Variants in PVT1 observed in about 807,000 individuals in gnomAD.
PVT1 encodes the protein Pvt1 oncogene.
intron 3 of PVT1, among the ~76,000 whole-genome samples, chr8:127,984,629 C>T (rs1280940535): frequency 6.6e-6 from 1 of 152,146 alleles, no homozygotes; most frequent in African/African-American, 2.4e-5. Context: ...TGTTTTGAGA[C>T]AGAGTTTTGC....
chr8:127,849,301 C>CTAAGACACTAAGACACTA (rs1815076415), intron 2 of PVT1, among the ~76,000 whole-genome samples: 2 of 152,082 alleles, frequency 1.3e-5, no homozygotes, highest in African/African-American at 2.4e-5. Flanking sequence ...AAGACAGGGT[C>CTAAGACACTAAGACACTA]AGAGCAGTTT....
chr8:127,984,827 CTTTCT>C (rs879548318), intron 3 of PVT1, among the ~76,000 whole-genome samples: 1 of 126,372 alleles, frequency 7.9e-6, no homozygotes, highest in African/African-American at 2.6e-5. Context: ...AGGCTGGTTT[CTTTCT>C]TTTCTTTTCT....
chr8:127,927,702 T>C (rs10956395), intron 3 of PVT1, among the ~76,000 whole-genome samples: 41,705 of 152,042 alleles, frequency 0.27, 6,470 homozygotes, highest in East Asian at 0.46. Flanking sequence ...TGGGTGACTT[T>C]AGGCAACTGA....
chr8:128,084,915 C>A (rs1814237885), intron 5 of PVT1, among the ~76,000 whole-genome samples: 1 of 152,182 alleles, frequency 6.6e-6, no homozygotes, highest in African/African-American at 2.4e-5. Context: ...CTTTTTCTTG[C>A]TTTGCTCCCA....
Position 128,059,021 on chromosome 8 carries a change from G to T in PVT1, n.913-11139G>T, listed in dbSNP as rs192853688. Among the ~76,000 whole-genome samples the T allele has an allele frequency of 1.8e-3, 275 of 152,126 alleles. 2 individuals carry two copies. Among genetic ancestry groups the T allele is most frequent in the Middle Eastern group, 0.014 (4 of 292 alleles). On this transcript the variant is annotated intron_variant and non_coding_transcript_variant, in intron 4 of 10. Coordinates refer to ENST00000651587, the Ensembl canonical transcript of PVT1. Reference sequence around the variant, plus strand: ...CTTGCTTTGTGCAACACACATCTCAGATGAATTAAATCATGATTTGTCTTG... The same window carrying T: ...CTTGCTTTGTGCAACACACATCTCATATGAATTAAATCATGATTTGTCTTG...
chr8:127,947,465 G>T, intron 3 of PVT1: 1 of 317,206 alleles, frequency 3.2e-6, no homozygotes, highest in Non-Finnish European at 6.3e-6. Flanking sequence ...CTCTTTTTTT[G>T]GCATTCCCTC....
At chr8:128,058,466 A>T (rs989315581) in intron 4 of PVT1, among the ~76,000 whole-genome samples, 2 of 152,090 alleles carry the variant, frequency 1.3e-5, no homozygotes, top group Non-Finnish European at 2.9e-5. Context: ...TACTAAATAC[A>T]TGATAAATAT....
At chr8:127,946,487 T>C (rs574861160) in intron 3 of PVT1, 7 of 152,294 alleles carry the variant, frequency 4.6e-5, no homozygotes, top group Admixed American at 1.3e-4. Context: ...AGTTTGTGTC[T>C]GAGAAAGTGC....
intron 2 of PVT1, among the ~76,000 whole-genome samples, chr8:127,839,740 G>C (rs1814952070): frequency 6.6e-6 from 1 of 152,136 alleles, no homozygotes; most frequent in Admixed American, 6.6e-5. Flanking sequence ...TTAAGGAAGA[G>C]ACTGTGGACA....
intron 4 of PVT1, among the ~76,000 whole-genome samples, chr8:128,061,703 G>A (rs1813832417): frequency 6.6e-6 from 1 of 152,198 alleles, no homozygotes; most frequent in African/African-American, 2.4e-5. Context: ...GGTGCTAGAA[G>A]TCAGTACAGT....
chr8:127,939,764 A>G (rs1053130926), intron 3 of PVT1: 2 of 152,240 alleles, frequency 1.3e-5, no homozygotes, highest in Admixed American at 6.5e-5. Flanking sequence ...GGGTCTGTAC[A>G]TTTTCCACAT....
intron 4 of PVT1, among the ~76,000 whole-genome samples, chr8:128,062,293 T>C (rs1369266974): frequency 6.6e-6 from 1 of 152,216 alleles, no homozygotes; most frequent in African/African-American, 2.4e-5. Flanking sequence ...TTTTCATCTA[T>C]GAGGAGGAAG....
chr8:127,864,138 GC>G (rs1815258894), intron 2 of PVT1, among the ~76,000 whole-genome samples: 1 of 152,192 alleles, frequency 6.6e-6, no homozygotes, highest in Non-Finnish European at 1.5e-5. Context: ...CAGAGAAGCT[GC>G]AGGTGGGGTG....
intron 4 of PVT1, among the ~76,000 whole-genome samples, chr8:128,001,982 G>A (rs1190283004): frequency 6.6e-6 from 1 of 152,066 alleles, no homozygotes; most frequent in Non-Finnish European, 1.5e-5. Context: ...ATGAACTTTG[G>A]GGAGACACCG....
chr8:127,849,158 G>C (rs1303586023), intron 2 of PVT1, among the ~76,000 whole-genome samples: 1 of 150,854 alleles, frequency 6.6e-6, no homozygotes, highest in African/African-American at 2.5e-5. Context: ...GACAAGGGAA[G>C]GGGGTTAGAG....
chr8:127,936,280 G>A (rs564462952), intron 3 of PVT1, among the ~76,000 whole-genome samples: 37 of 151,930 alleles, frequency 2.4e-4, no homozygotes, highest in African/African-American at 8.0e-4. Flanking sequence ...TCCAACTCCC[G>A]ACCTCAGGTG....
At chr8:127,891,317 AG>A (rs1815599773) in intron 3 of PVT1, among the ~76,000 whole-genome samples, 1 of 152,230 alleles carries the variant, frequency 6.6e-6, no homozygotes, top group Admixed American at 6.5e-5. Context: ...TGCTGCAGAA[AG>A]GGTAAATTAA....
At chr8:127,810,297 C>T (rs1055282371) in intron 2 of PVT1, among the ~76,000 whole-genome samples, 5 of 152,370 alleles carry the variant, frequency 3.3e-5, no homozygotes, top group East Asian at 3.9e-4. Context: ...ATGCTGATCT[C>T]GTTAAAAAGG....
chr8:127,852,341 G>C (rs1361926307), intron 2 of PVT1: 2 of 152,266 alleles, frequency 1.3e-5, no homozygotes, highest in Admixed American at 1.3e-4. Context: ...GACTCTCCTT[G>C]TCATGAGTAA....
Sources: allele counts gnomAD v4.1 joint callset (sites outside exome capture counted in the v4.1 genomes callset), GRCh38; gene constraint gnomAD v4.1.1; transcripts MANE v1.5; gene names NCBI Gene and HGNC (gene_info 2026-07-23, HGNC 2026-07-21).